Variants in NEDD8 observed in about 807,000 individuals in gnomAD.
The protein encoded by NEDD8 is ubiquitin-like protein NEDD8.
NEDD8 carries 1 observed loss-of-function variant against 13.8 expected under a neutral mutation model. The observed-to-expected ratio is 0.07, with a 90% CI of 0.03 to 0.34. The LOEUF (loss-of-function observed/expected upper bound fraction) is 0.34. Ranked by LOEUF, NEDD8 falls within the 10% of genes least tolerant of loss-of-function variation. The probability of loss-of-function intolerance (pLI) is 0.99; values close to 1 mark genes in which losing one functional copy is unlikely to be tolerated. For missense variants in NEDD8, 10 were observed against 95.2 expected, an observed-to-expected ratio of 0.10 and a Z score of 3.73; for synonymous variants, 31 against 33.2, an observed-to-expected ratio of 0.93 and a Z score of 0.23.
chr14:24,228,167 G>T (rs2039924701), intron 1 of NEDD8: 1 of 152,154 alleles, frequency 6.6e-6, no homozygotes, highest in Non-Finnish European at 1.5e-5. Context: ...GCTGAGGTGG[G>T]TGGATCACCT....
At chr14:24,220,514 C>T (rs1243906116) in intron 1 of NEDD8, among the ~76,000 whole-genome samples, 7 of 151,962 alleles carry the variant, frequency 4.6e-5, no homozygotes, top group Non-Finnish European at 1.0e-4. Context: ...TTTGTAGAGA[C>T]GAGTTCTGTG....
intron 2 of NEDD8, 34 bp downstream of exon 2, chr14:24,218,350 A>G: frequency 6.2e-7 from 1 of 1,614,240 alleles, no homozygotes. Context: ...ACACATGGCA[A>G]GAAGTACATG....
rs553551893 is a variant in NEDD8 at position 24,224,859 on chromosome 14, G to A, written c.19-6428C>T. On this transcript the variant is annotated intron_variant, in intron 1 of 3. Coordinates refer to ENST00000250495, the MANE Select transcript of NEDD8 (RefSeq NM_006156.3). ...GAAATACAGAGGAAAAGAGGAATAC[G>A]TCAAAAGACAACATGGGAGCCCGTT... Among the ~76,000 whole-genome samples the A allele has an allele frequency of 2.0e-5, 3 of 152,214 alleles. No individual in the cohort carries two copies. The South Asian group carries it at 6.2e-4, about 32-fold the overall frequency.
intron 1 of NEDD8, 121 bp downstream of exon 1, chr14:24,232,129 C>T: frequency 6.5e-7 from 1 of 1,527,064 alleles, no homozygotes. Flanking sequence ...GCGCGGAGCC[C>T]TGAGGCAGTC....
intron 1 of NEDD8, 62 bp downstream of exon 1, chr14:24,232,188 C>CTT: frequency 6.2e-7 from 1 of 1,612,420 alleles, no homozygotes. Flanking sequence ...CCCACGTCTC[C>CTT]CGTAAGGCAC....
chr14:24,221,359 G>A (rs1191555569), intron 1 of NEDD8, among the ~76,000 whole-genome samples: 1 of 148,664 alleles, frequency 6.7e-6, no homozygotes, highest in East Asian at 2.0e-4. Flanking sequence ...ATGGCTCACC[G>A]CAGCCTCGAC....
intron 1 of NEDD8, among the ~76,000 whole-genome samples, chr14:24,223,739 A>AAT (rs1305259958): frequency 9.3e-5 from 13 of 139,884 alleles, no homozygotes; most frequent in Admixed American, 7.2e-4. Context: ...AAAAAAAAAA[A>AAT]TTTTTTTTTT....
chr14:24,218,552 G>C (rs1211463552), intron 1 of NEDD8, 121 bp from the exon 2 acceptor site: 1 of 1,372,698 alleles, frequency 7.3e-7, no homozygotes, highest in Non-Finnish European at 1.0e-6. Context: ...ATTCTCAGCA[G>C]CACTGCTTTG....
intron 1 of NEDD8, among the ~76,000 whole-genome samples, chr14:24,229,114 C>T (rs148725005): frequency 1.2e-3 from 182 of 152,332 alleles, no homozygotes; most frequent in African/African-American, 4.2e-3. Flanking sequence ...TGTGCCCCAC[C>T]TTAGACCCAC....
chr14:24,229,105 GT>G (rs1219200103), intron 1 of NEDD8, among the ~76,000 whole-genome samples: 1 of 152,202 alleles, frequency 6.6e-6, no homozygotes, highest in Non-Finnish European at 1.5e-5. Flanking sequence ...GCAGAAACCT[GT>G]GCCCCACCTT....
chr14:24,225,293 T>C (rs1033011741), intron 1 of NEDD8, among the ~76,000 whole-genome samples: 4 of 151,630 alleles, frequency 2.6e-5, no homozygotes, highest in Non-Finnish European at 4.4e-5. Context: ...TTTAAAGAAA[T>C]TGAAAACACA....
intron 1 of NEDD8, among the ~76,000 whole-genome samples, chr14:24,231,173 G>A (rs1378950059): frequency 6.6e-6 from 1 of 152,156 alleles, no homozygotes; most frequent in Non-Finnish European, 1.5e-5. Flanking sequence ...TTACAGGCGT[G>A]AGCCACCGCG....
chr14:24,218,597 T>A (rs2039747769), intron 1 of NEDD8, 166 bp from the exon 2 acceptor site: 1 of 935,134 alleles, frequency 1.1e-6, no homozygotes, highest in African/African-American at 1.7e-5. Context: ...CCTTCATTTA[T>A]CAAATATTTT....
intron 1 of NEDD8, among the ~76,000 whole-genome samples, chr14:24,229,269 G>C (rs979390701): frequency 1.3e-5 from 2 of 152,122 alleles, no homozygotes; most frequent in African/African-American, 2.4e-5. Context: ...GCCCAGGCTG[G>C]AGTGCAATGG....
At chr14:24,232,064 AC>A (rs2040047462) in intron 1 of NEDD8, 185 bp downstream of exon 1, 3 of 853,656 alleles carry the variant, frequency 3.5e-6, no homozygotes, top group Non-Finnish European at 5.3e-6. Flanking sequence ...GTCAGGTGGG[AC>A]CTGGGCCCCG....
intron 1 of NEDD8, among the ~76,000 whole-genome samples, chr14:24,229,747 G>C (rs1000618473): frequency 6.6e-6 from 1 of 152,124 alleles, no homozygotes; most frequent in Non-Finnish European, 1.5e-5. Flanking sequence ...GGACCTAGTG[G>C]ACATGAGAAC....
At chr14:24,221,106 A>G (rs2138886786) in intron 1 of NEDD8, among the ~76,000 whole-genome samples, 1 of 152,332 alleles carries the variant, frequency 6.6e-6, no homozygotes, top group African/African-American at 2.4e-5. Context: ...GGTCTGTGTG[A>G]AAATTTTCAG....
chr14:24,226,190 G>C (rs936834332), intron 1 of NEDD8, among the ~76,000 whole-genome samples: 1 of 151,632 alleles, frequency 6.6e-6, no homozygotes, highest in Non-Finnish European at 1.5e-5. Context: ...ATAGAATAAG[G>C]CTGTATACAA....
At chr14:24,220,841 C>T (rs2039796284) in intron 1 of NEDD8, among the ~76,000 whole-genome samples, 1 of 152,328 alleles carries the variant, frequency 6.6e-6, no homozygotes, top group East Asian at 1.9e-4. Context: ...CTCCGTCCTA[C>T]CTGAGTCTGG....
Sources: allele counts gnomAD v4.1 joint callset (sites outside exome capture counted in the v4.1 genomes callset), GRCh38; gene constraint gnomAD v4.1.1; transcripts MANE v1.5; gene names NCBI Gene and HGNC (gene_info 2026-07-23, HGNC 2026-07-21).